The following CFLAR variants were observed in gnomAD, a reference collection of about 807,000 sequenced individuals.
The protein encoded by CFLAR is CASP8 and FADD like apoptosis regulator, also known as CASP8 and FADD-like apoptosis regulator.
A neutral mutation model predicts 51.1 loss-of-function variants in CFLAR; 14 were observed. The ratio of observed to expected loss-of-function variants is 0.27; its 90% CI spans 0.18 to 0.43. The LOEUF (loss-of-function observed/expected upper bound fraction) is 0.43. Ranked by LOEUF, CFLAR falls within the 20% of genes least tolerant of loss-of-function variation. The pLI, the probability that CFLAR is intolerant of heterozygous loss-of-function variation, is 1.00. For synonymous variants in CFLAR, 210 were observed against 211.6 expected, an observed-to-expected ratio of 0.99 and a Z score of 0.06; for missense variants, 390 against 566.5, an observed-to-expected ratio of 0.69 and a Z score of 3.16.
Position 201,165,080 on chromosome 2 carries a change from A to G in CFLAR, c.*1107A>G, listed in dbSNP as rs11545280. The stretch of plus-strand genomic sequence containing the variant: ...TGTCTCCCCTTTGAATTCTGGGGGG[A>G]ATACAAACATTCAGTTTGTAACAAT... On this transcript the variant is annotated 3_prime_UTR_variant, in exon 10 of 10. Coordinates refer to ENST00000309955, the MANE Select transcript of CFLAR (RefSeq NM_003879.7). 72,194 of 151,678 alleles carry G rather than the reference A, an allele frequency of 0.48. 17,431 individuals carry two copies. Among genetic ancestry groups the G allele is most frequent in the Non-Finnish European group, 0.51 (34,930 of 67,922 alleles). The allele number at this position is 151,678 out of a possible 1,614,324, so 9.4% of individuals were successfully genotyped here. A position where few individuals can be genotyped will look rare whatever the true frequency, so the allele number is the denominator to read the frequency against.
intron 5 of CFLAR, chr2:201,144,292 G>A (rs1319847651): frequency 6.6e-6 from 1 of 152,200 alleles, no homozygotes; most frequent in Non-Finnish European, 1.5e-5. Context: ...ATCTTACATA[G>A]GACCTGTCAT....
chr2:201,121,417 A>T (rs1293999701), intron 1 of CFLAR, among the ~76,000 whole-genome samples: 1 of 152,206 alleles, frequency 6.6e-6, no homozygotes, highest in Non-Finnish European at 1.5e-5. Context: ...ATCACCAGGA[A>T]TGTAAAGGAA....
chr2:201,134,760 G>A (rs1330079374), intron 3 of CFLAR, among the ~76,000 whole-genome samples: 1 of 152,020 alleles, frequency 6.6e-6, no homozygotes, highest in Non-Finnish European at 1.5e-5. Context: ...GGAAATGTTT[G>A]AGAACCTATT....
chr2:201,130,176 TGGGTGGGA>T, intron 2 of CFLAR, 30 bp downstream of exon 2: 2 of 66,716 alleles, frequency 3.0e-5, no homozygotes, highest in Non-Finnish European at 6.8e-5. Flanking sequence ...TGAGGCTGGG[TGGGTGGGA>T]GGGAGTGAAG....
At chr2:201,158,994 C>T (rs893720328) in intron 8 of CFLAR, among the ~76,000 whole-genome samples, 2 of 151,556 alleles carry the variant, frequency 1.3e-5, no homozygotes, top group African/African-American at 4.8e-5. Flanking sequence ...TCTCCTGTCT[C>T]AGCCTCCCTA....
intron 4 of CFLAR, chr2:201,139,996 G>T (rs1238715136): frequency 6.8e-6 from 2 of 292,184 alleles, no homozygotes; most frequent in Non-Finnish European, 1.4e-5. Context: ...CGACCACGTA[G>T]CCGGTGCTGC....
intron 2 of CFLAR, 41 bp downstream of exon 2, chr2:201,130,187 G>GGGGGGGGTGGGCA: frequency 3.4e-6 from 1 of 292,394 alleles, no homozygotes; most frequent in Non-Finnish European, 7.1e-6. Context: ...GGGTGGGAGG[G>GGGGGGGGTGGGCA]AGTGAAGTGT....
chr2:201,158,410 GT>G (rs1207351187), intron 8 of CFLAR, among the ~76,000 whole-genome samples: 15 of 152,186 alleles, frequency 9.9e-5, no homozygotes, highest in African/African-American at 2.7e-4. Context: ...CAAGGACTTT[GT>G]TTGATAAGGA....
At chr2:201,136,480 G>T in intron 4 of CFLAR, 2 of 1,593,398 alleles carry the variant, frequency 1.3e-6, no homozygotes, top group Non-Finnish European at 1.7e-6. Context: ...CCAACTTCGG[G>T]TGATGTCACT....
chr2:201,129,811 C>A lies in CFLAR; in HGVS notation c.-55C>A. The A allele has an allele frequency of 6.6e-7, 1 of 1,524,158 alleles. No homozygotes were observed. The highest frequency in any genetic ancestry group is 1.9e-5 in the Admixed American group (1 of 52,606). 94.4% of individuals were successfully genotyped at this position (1,524,158 alleles called of 1,614,324 possible). The stretch of plus-strand genomic sequence containing the variant: ...TGACTGCCTGCTGGCTTTCTGTTGA[C>A]TGGCCCGGAGCTGTACTGCAAGACC... On this transcript the variant is annotated 5_prime_UTR_variant, in exon 2 of 10. In the 5' UTR this introduces an upstream ATG that the reference lacks. Coordinates refer to ENST00000309955, the MANE Select transcript of CFLAR (RefSeq NM_003879.7).
chr2:201,138,725 T>G lies in CFLAR; in HGVS notation c.524-1632T>G. 1.3e-6 allele frequency: 1 copy of G among 791,424 alleles called. No individual in the cohort carries two copies. The highest frequency in any genetic ancestry group is 2.3e-6 in the Non-Finnish European group (1 of 440,240). 49.0% of individuals were successfully genotyped at this position (791,424 alleles called of 1,614,324 possible). On this transcript the variant is annotated intron_variant, in intron 4 of 9. Coordinates refer to ENST00000309955, the MANE Select transcript of CFLAR (RefSeq NM_003879.7). This position sits in a 1 kb window ranked among gnomAD's most constrained non-coding sequence, Gnocchi z 4.0. ...CCACGGGGTGTGTGATAAAGCCCGG[T>G]TCAAACTTCTTGACCTTCTGCACCT...
rs988703841 is a variant in CFLAR, at chr2:201,165,261, T to C, written c.*1288T>C. 6.8e-6 allele frequency: 1 copy of C among 147,768 alleles called. No individual in the cohort carries two copies. Among genetic ancestry groups the C allele is most frequent in the East Asian group, 2.0e-4 (1 of 5,102 alleles). The allele number at this position is 147,768 out of a possible 1,614,324, so 9.2% of individuals were successfully genotyped here. A position where few individuals can be genotyped will look rare whatever the true frequency, so the allele number is the denominator to read the frequency against. ...AGTTGCTTATTATTATTATTATTAT[T>C]ATTATTATTATTATTATTATTATTA... On this transcript the variant is annotated 3_prime_UTR_variant, in exon 10 of 10. Coordinates refer to ENST00000309955, the MANE Select transcript of CFLAR (RefSeq NM_003879.7).
At chr2:201,148,187 G>A (rs961973805) in intron 6 of CFLAR, 6 of 151,990 alleles carry the variant, frequency 3.9e-5, no homozygotes, top group Admixed American at 1.3e-4. Flanking sequence ...TTATATTTAA[G>A]CATATATTAA....
At position 201,145,365 on chromosome 2, in the gene CFLAR, T is replaced by G; in HGVS notation, c.607-13T>G. 1.9e-6 allele frequency: 3 copies of G among 1,573,712 alleles called. No individual in the cohort carries two copies. The highest frequency in any genetic ancestry group is 2.6e-6 in the Non-Finnish European group (3 of 1,144,202). ...ACTAACAGGAAGTATGACCTTATTC[T>G]TTGTATTTGAAGCTCCATAATGGGA... On this transcript the variant is annotated splice_polypyrimidine_tract_variant and intron_variant, in intron 5 of 9. Transcript: ENST00000309955.
At position 201,160,674 on chromosome 2, in the gene CFLAR, C is replaced by A. The variant is rs1942886379; in HGVS notation, c.1036C>A (p.Pro346Thr). ...GAGGATGTTCATGGGAGATTCATGC[C>A]CTTATCTAGCAGGGAAGCCAAAGAT... ...IRRMFMGDSCPYLAGKPKMFF... is the reference protein window; with the variant it reads ...IRRMFMGDSCTYLAGKPKMFF... Residue 346 changes from proline (P) to threonine (T), a missense_variant, in exon 9 of 10, where the codon CCT (proline) becomes ACT (threonine). Pro to Thr is a conservative substitution (Grantham distance 38). Around this residue, in one of 2 missense-constraint regions of CFLAR, gnomAD observed 287 missense variants for 363.6 expected, o/e 0.79. Transcript: ENST00000309955. The A allele has an allele frequency of 6.2e-7, 1 of 1,613,930 alleles. No individual in the cohort carries two copies. The highest frequency in any genetic ancestry group is 1.7e-5 in the Admixed American group (1 of 59,976).
At chr2:201,158,768 C>T (rs1942595159) in intron 8 of CFLAR, among the ~76,000 whole-genome samples, 2 of 151,722 alleles carry the variant, frequency 1.3e-5, no homozygotes, top group Non-Finnish European at 2.9e-5. Flanking sequence ...AATGATACTC[C>T]CAAATTGCTC....
intron 5 of CFLAR, among the ~76,000 whole-genome samples, chr2:201,144,863 G>A (rs10203550): frequency 0.2 from 29,498 of 150,498 alleles, 3,297 homozygotes; most frequent in African/African-American, 0.31. Context: ...TTTAATTTTT[G>A]TGACAGAGTT....
intron 4 of CFLAR, chr2:201,137,269 G>C (rs2050260763): frequency 4.2e-6 from 1 of 240,242 alleles, no homozygotes; most frequent in Non-Finnish European, 8.3e-6. Context: ...CAGGGCCTGA[G>C]AGCCCAGCTG....
Position 201,138,322 on chromosome 2 carries a change from C to T in CFLAR, c.524-2035C>T. 1.3e-6 allele frequency: 1 copy of T among 771,922 alleles called. No homozygotes were observed. The highest frequency in any genetic ancestry group is 2.4e-6 in the Non-Finnish European group (1 of 417,736). The allele number at this position is 771,922 out of a possible 1,614,324, so 47.8% of individuals were successfully genotyped here. A position where few individuals can be genotyped will look rare whatever the true frequency, so the allele number is the denominator to read the frequency against. ...CATCCTCATGGGTACCCACAGCTGC[C>T]CCGCCCAGCAGCTGCTCATGGGAAT... is the stretch of plus-strand genomic sequence containing the variant. On this transcript the variant is annotated intron_variant, in intron 4 of 9. Coordinates refer to ENST00000309955, the MANE Select transcript of CFLAR (RefSeq NM_003879.7). The surrounding 1 kb of genome is among the most constrained non-coding windows in gnomAD (Gnocchi z 4.0).
Sources: gnomAD v4.1 joint callset for allele counts (sites outside exome capture counted in the v4.1 genomes callset) on GRCh38, gnomAD v4.1.1 for gene constraint, gnomAD v4.1.1 regional missense constraint, Gnocchi (gnomAD v3.1) non-coding constraint, MANE v1.5 for transcripts, NCBI Gene and HGNC (gene_info 2026-07-23, HGNC 2026-07-21) for gene names.